The following LINGO1 variants were observed in gnomAD, a reference collection of about 807,000 sequenced individuals.
LINGO1 encodes the protein leucine rich repeat and Ig domain containing 1.
LINGO1 carries 11 observed loss-of-function variants against 37.3 expected under a neutral mutation model. The ratio of observed to expected loss-of-function variants is 0.29; its 90% CI spans 0.19 to 0.49. The LOEUF (loss-of-function observed/expected upper bound fraction) is 0.49. Ranked by LOEUF, LINGO1 falls within the 20% of genes least tolerant of loss-of-function variation. The pLI is 0.99. For synonymous variants in LINGO1, 387 were observed against 403.0 expected (o/e 0.96, Z 0.48); for missense variants, 585 against 878.2 (o/e 0.67, Z 4.22).
intron 1 of LINGO1, among the ~76,000 whole-genome samples, chr15:77,753,544 G>A (rs2076391373): frequency 6.6e-6 from 1 of 152,208 alleles, no homozygotes; most frequent in Non-Finnish European, 1.5e-5. Context: ...GGGGTAGGGG[G>A]AGGGAAGTAG....
chr15:77,616,573 T>C (rs957141160), intron 1 of LINGO1, among the ~76,000 whole-genome samples: 3 of 152,150 alleles, frequency 2.0e-5, no homozygotes, highest in Non-Finnish European at 4.4e-5. Flanking sequence ...CCTGGATTGC[T>C]GGGGGACACC....
intron 2 of LINGO1, among the ~76,000 whole-genome samples, chr15:77,678,992 C>G (rs1440401217): frequency 6.6e-6 from 1 of 152,068 alleles, no homozygotes; most frequent in Non-Finnish European, 1.5e-5. Flanking sequence ...CTTCCACTTC[C>G]CTGGTGGGGA....
chr15:77,642,533 CTT>C (rs2074531654), intron 3 of LINGO1, among the ~76,000 whole-genome samples: 1 of 152,360 alleles, frequency 6.6e-6, no homozygotes, highest in East Asian at 1.9e-4. Context: ...AATTTGGACA[CTT>C]AGGTGCCCAT....
At chr15:77,750,442 G>C (rs369605580) in intron 1 of LINGO1, among the ~76,000 whole-genome samples, 3 of 152,162 alleles carry the variant, frequency 2.0e-5, no homozygotes, top group African/African-American at 7.2e-5. Context: ...ACACGCACGC[G>C]CTCCAGTCCC....
chr15:77,772,771 C>T (rs1227537574), intron 1 of LINGO1, among the ~76,000 whole-genome samples: 1 of 152,094 alleles, frequency 6.6e-6, no homozygotes, highest in Non-Finnish European at 1.5e-5. Context: ...GCCAGAAAAG[C>T]CCTCTTTCCC....
chr15:77,636,531 G>A (rs936498144), upstream of LINGO1, among the ~76,000 whole-genome samples: 4 of 149,174 alleles, frequency 2.7e-5, no homozygotes, highest in African/African-American at 1.0e-4. Context: ...GGTGGAGCCA[G>A]CATCCAGCTG....
chr15:77,758,495 A>T (rs2076442498), intron 1 of LINGO1, among the ~76,000 whole-genome samples: 2 of 152,128 alleles, frequency 1.3e-5, no homozygotes, highest in South Asian at 4.1e-4. Context: ...TGGAAGAGAG[A>T]GACAGCTGTA....
chr15:77,634,361 C>G, upstream of LINGO1: 1 of 456,004 alleles, frequency 2.2e-6, no homozygotes, highest in Non-Finnish European at 4.4e-6. Context: ...GGAGCACTTT[C>G]TCCTGTCTCC....
intron 2 of LINGO1, among the ~76,000 whole-genome samples, chr15:77,712,765 T>C (rs535291594): frequency 1.3e-5 from 2 of 152,264 alleles, no homozygotes; most frequent in East Asian, 1.9e-4. Flanking sequence ...CCCCTGCACA[T>C]TCTAGAAGCC....
chr15:77,791,610 C>A (rs1390192567), upstream of LINGO1, among the ~76,000 whole-genome samples: 1 of 151,838 alleles, frequency 6.6e-6, no homozygotes, highest in Admixed American at 6.6e-5. Flanking sequence ...AACAGGGAGC[C>A]ACTGAAGGTT....
intron 1 of LINGO1, among the ~76,000 whole-genome samples, chr15:77,624,766 C>G (rs954214746): frequency 6.6e-6 from 1 of 152,002 alleles, no homozygotes; most frequent in Admixed American, 6.5e-5. Context: ...CTGCCCCTTG[C>G]ACAAGGTTGC....
upstream of LINGO1, among the ~76,000 whole-genome samples, chr15:77,698,371 C>T (rs998980790): frequency 1.3e-5 from 2 of 152,200 alleles, no homozygotes; most frequent in African/African-American, 4.8e-5. Flanking sequence ...GTGTTGAGTG[C>T]CTACTACGTT....
At chr15:77,773,851 C>G (rs2076610178) in intron 1 of LINGO1, among the ~76,000 whole-genome samples, 1 of 152,068 alleles carries the variant, frequency 6.6e-6, no homozygotes, top group Admixed American at 6.5e-5. Context: ...GTCCTACCTA[C>G]TCAGGGGTCT....
intron 1 of LINGO1, among the ~76,000 whole-genome samples, chr15:77,819,870 G>GCGC (rs1307744071): frequency 1.3e-5 from 2 of 150,592 alleles, no homozygotes; most frequent in Non-Finnish European, 3.0e-5. Context: ...CCCCTCCGCG[G>GCGC]CGCCGCCGCC....
intron 2 of LINGO1, among the ~76,000 whole-genome samples, chr15:77,682,846 G>T (rs1206597794): frequency 6.6e-6 from 1 of 152,012 alleles, no homozygotes; most frequent in African/African-American, 2.4e-5. Context: ...CAGGCCAGAC[G>T]CGAAACTCCG....
chr15:77,664,170 T>TGTGTGTGTGTGTGTGCGCGC lies in LINGO1; in HGVS notation c.-13+12918_-13+12919insGCGCGCACACACACACACAC. 1.0e-3 allele frequency among the ~76,000 whole-genome samples: 135 copies of TGTGTGTGTGTGTGTGCGCGC among 130,980 alleles called. 1 individual carries two copies. The highest frequency in any genetic ancestry group is 4.8e-3 in the African/African-American group (130 of 27,266). The allele number at this position is 130,980 out of a possible 152,430, so 85.9% of individuals were successfully genotyped here. On this transcript the variant is annotated intron_variant, in intron 3 of 3. Transcript: ENST00000559893. ...GTGTGTGTGTGTGTGTGTGTGTGTG[T>TGTGTGTGTGTGTGTGCGCGC]GCGCGCGCGCATGCGTTTGCATTCT...
At chr15:77,749,636 G>A (rs555336160) in intron 1 of LINGO1, among the ~76,000 whole-genome samples, 16 of 152,288 alleles carry the variant, frequency 1.1e-4, no homozygotes, top group Non-Finnish European at 1.9e-4. Context: ...CCACTCCCAC[G>A]GCTGCTGCGT....
At chr15:77,683,029 T>C (rs1327196553) in intron 2 of LINGO1, among the ~76,000 whole-genome samples, 1 of 152,160 alleles carries the variant, frequency 6.6e-6, no homozygotes, top group Non-Finnish European at 1.5e-5. Context: ...AGCTCTTTTA[T>C]ATCAATAAGA....
At chr15:77,793,643 A>G (rs1474711160) in intron 2 of LINGO1, among the ~76,000 whole-genome samples, 3 of 152,222 alleles carry the variant, frequency 2.0e-5, no homozygotes, top group Non-Finnish European at 4.4e-5. Flanking sequence ...CCATCAAAAT[A>G]CACAACAGAG....
Sources: gnomAD v4.1 joint callset for allele counts (sites outside exome capture counted in the v4.1 genomes callset) on GRCh38, gnomAD v4.1.1 for gene constraint, MANE v1.5 for transcripts, NCBI Gene and HGNC (gene_info 2026-07-23, HGNC 2026-07-21) for gene names.